PRKG1: variants seen among roughly 807,000 people sequenced by gnomAD.
PRKG1 encodes cGMP-dependent protein kinase 1.
A neutral mutation model predicts 88.1 loss-of-function variants in PRKG1; 35 were observed. That is an observed-to-expected ratio of 0.40 (90% CI 0.30 to 0.53). The LOEUF is 0.53. Ranked by LOEUF, PRKG1 falls within the 20% of genes least tolerant of loss-of-function variation. PRKG1 has a pLI of 0.59. For missense variants in PRKG1, 540 were observed against 839.8 expected, an observed-to-expected ratio of 0.64 and a Z score of 4.41; for synonymous variants, 303 against 292.5, an observed-to-expected ratio of 1.04 and a Z score of -0.37.
intron 4 of PRKG1, among the ~76,000 whole-genome samples, chr10:51,868,102 G>A (rs1193393018): frequency 1.3e-5 from 2 of 152,134 alleles, no homozygotes; most frequent in Non-Finnish European, 2.9e-5. Flanking sequence ...CAGCTGAATT[G>A]TGTTGTATGG....
intron 5 of PRKG1, among the ~76,000 whole-genome samples, chr10:51,923,815 C>A (rs1486646332): frequency 6.6e-6 from 1 of 151,620 alleles, no homozygotes; most frequent in African/African-American, 2.4e-5. Context: ...ATTTTGCCTT[C>A]ATTTACTCCT....
chr10:51,039,091 A>G (rs1179866649), intron 1 of PRKG1, among the ~76,000 whole-genome samples: 2 of 152,226 alleles, frequency 1.3e-5, no homozygotes, highest in South Asian at 2.1e-4. Flanking sequence ...TCTTTTGGGC[A>G]TATACCTAGC....
At chr10:52,071,890 G>C (rs1441599047) in intron 7 of PRKG1, among the ~76,000 whole-genome samples, 1 of 152,144 alleles carries the variant, frequency 6.6e-6, no homozygotes, top group Non-Finnish European at 1.5e-5. Context: ...CAGTTACAAG[G>C]CTTGGGTTTC....
intron 2 of PRKG1, among the ~76,000 whole-genome samples, chr10:51,314,208 C>T (rs969136355): frequency 4.6e-5 from 7 of 152,128 alleles, no homozygotes; most frequent in Admixed American, 3.3e-4. Context: ...CAGGGCTTAC[C>T]AGGTGGCATA....
intron 4 of PRKG1, among the ~76,000 whole-genome samples, chr10:51,842,118 G>A (rs1288885693): frequency 1.3e-5 from 2 of 152,160 alleles, no homozygotes; most frequent in Non-Finnish European, 2.9e-5. Context: ...GGCTAAGTGG[G>A]TCTGACTTGA....
chr10:51,066,368 T>C (rs1171892480), intron 1 of PRKG1, among the ~76,000 whole-genome samples: 2 of 152,092 alleles, frequency 1.3e-5, no homozygotes, highest in African/African-American at 4.8e-5. Flanking sequence ...TGTTCATGGT[T>C]TTCTGTCATG....
intron 2 of PRKG1, among the ~76,000 whole-genome samples, chr10:51,183,679 C>A (rs1837410608): frequency 6.6e-6 from 1 of 152,058 alleles, no homozygotes; most frequent in Admixed American, 6.6e-5. Flanking sequence ...ATTTCCATTG[C>A]ATTTTTTTTC....
intron 11 of PRKG1, among the ~76,000 whole-genome samples, chr10:52,272,008 A>C (rs1841741800): frequency 6.6e-6 from 1 of 152,022 alleles, no homozygotes; most frequent in Non-Finnish European, 1.5e-5. Context: ...TAGCATATGA[A>C]ATTTATACAT....
At chr10:51,819,374 C>G (rs1159704832) in intron 4 of PRKG1, among the ~76,000 whole-genome samples, 1 of 152,132 alleles carries the variant, frequency 6.6e-6, no homozygotes, top group Non-Finnish European at 1.5e-5. Context: ...CCAAATACCT[C>G]CCATTAGGCC....
At chr10:52,044,741 C>A (rs779225938) in intron 5 of PRKG1, among the ~76,000 whole-genome samples, 7 of 152,090 alleles carry the variant, frequency 4.6e-5, no homozygotes, top group Non-Finnish European at 8.8e-5. Flanking sequence ...CTGTTTGCAG[C>A]CCTCTAAATA....
intron 3 of PRKG1, chr10:51,697,765 G>A (rs1454317507): frequency 6.2e-7 from 1 of 1,614,074 alleles, no homozygotes; most frequent in Admixed American, 1.7e-5. Context: ...TTTGCTCAGG[G>A]GGCAGCATGG....
chr10:51,817,832 T>C (rs542040836), intron 4 of PRKG1, among the ~76,000 whole-genome samples: 1 of 152,188 alleles, frequency 6.6e-6, no homozygotes, highest in Non-Finnish European at 1.5e-5. Flanking sequence ...ATTAACTTCA[T>C]TTTTTCCTTC....
chr10:52,191,329 A>ATTTTTTTTTT (rs34410355), intron 9 of PRKG1, among the ~76,000 whole-genome samples: 1 of 138,336 alleles, frequency 7.2e-6, no homozygotes. Context: ...TGCTCCAGCT[A>ATTTTTTTTTT]TTTTTTTTTT....
At chr10:51,763,767 T>C (rs905423160) in intron 3 of PRKG1, among the ~76,000 whole-genome samples, 2 of 152,138 alleles carry the variant, frequency 1.3e-5, no homozygotes, top group Non-Finnish European at 2.9e-5. Context: ...TTTCTTACAG[T>C]TCTGGAGGTT....
chr10:51,680,426 C>A (rs1840824017), intron 3 of PRKG1, among the ~76,000 whole-genome samples: 1 of 152,230 alleles, frequency 6.6e-6, no homozygotes, highest in Non-Finnish European at 1.5e-5. Flanking sequence ...TCCTGGGTTT[C>A]ATTCCTCTGT....
rs148284952 is a variant in PRKG1, at chr10:51,179,457, A to C, written c.478+26127A>C. On this transcript the variant is annotated intron_variant, in intron 2 of 17. Coordinates refer to ENST00000373980, the MANE Select transcript of PRKG1 (RefSeq NM_006258.4). ...GGCTTTATCCGTACATATTCGTTTA[A>C]AGTGGTCATCTAACTGATTTGTTCA... Among the ~76,000 whole-genome samples, 1,079 of 152,348 alleles carry C rather than the reference A, an allele frequency of 7.1e-3. 9 individuals are homozygous for C. The highest frequency in any genetic ancestry group is 0.011 in the Non-Finnish European group (743 of 68,032).
At chr10:51,323,093 A>C (rs537232311) in intron 2 of PRKG1, among the ~76,000 whole-genome samples, 1 of 152,324 alleles carries the variant, frequency 6.6e-6, no homozygotes, top group East Asian at 1.9e-4. Context: ...TAACAACAAA[A>C]TGAAGAAAAA....
chr10:51,444,633 C>A (rs548899950), intron 2 of PRKG1, among the ~76,000 whole-genome samples: 1 of 151,890 alleles, frequency 6.6e-6, no homozygotes, highest in African/African-American at 2.4e-5. Context: ...TCAGGCATAC[C>A]AATTTGATAT....
chr10:51,288,731 G>T (rs2339709), intron 2 of PRKG1, among the ~76,000 whole-genome samples: 36,832 of 151,896 alleles, frequency 0.24, 6,701 homozygotes, highest in African/African-American at 0.52. Flanking sequence ...TTACAAAAAT[G>T]AATAATACTA....
Sources: allele counts gnomAD v4.1 joint callset (sites outside exome capture counted in the v4.1 genomes callset), GRCh38; gene constraint gnomAD v4.1.1; transcripts MANE v1.5; gene names NCBI Gene and HGNC (gene_info 2026-07-23, HGNC 2026-07-21).